The following GRID1 variants were observed in gnomAD, a reference collection of about 807,000 sequenced individuals.
GRID1 encodes glutamate ionotropic receptor delta type subunit 1, also known as glutamate receptor ionotropic, delta-1.
Under a neutral mutation model 98.0 loss-of-function variants are expected in GRID1, and 28 were observed. That is an observed-to-expected ratio of 0.29 (90% CI 0.21 to 0.39). The LOEUF is 0.39. Ranked by LOEUF, GRID1 falls within the 10% of genes least tolerant of loss-of-function variation. GRID1 has a pLI of 1.00. For missense variants in GRID1, 1,111 were observed against 1,340.5 expected (o/e 0.83, Z 2.67); for synonymous variants, 553 against 538.5 (o/e 1.03, Z -0.37).
intron 4 of GRID1, among the ~76,000 whole-genome samples, chr10:86,086,596 T>C (rs1844060741): frequency 6.6e-6 from 1 of 152,026 alleles, no homozygotes. Context: ...AATGAAACAA[T>C]TGAGTGTGCC....
At chr10:86,101,969 G>A (rs1029745868) in intron 4 of GRID1, among the ~76,000 whole-genome samples, 9 of 152,176 alleles carry the variant, frequency 5.9e-5, no homozygotes, top group Non-Finnish European at 1.2e-4. Context: ...ATGGTTTCCA[G>A]TTTGCGGTTA....
At chr10:85,991,492 A>G (rs904297283) in intron 4 of GRID1, among the ~76,000 whole-genome samples, 2 of 151,780 alleles carry the variant, frequency 1.3e-5, no homozygotes, top group Non-Finnish European at 2.9e-5. Context: ...GAAAGGAGGG[A>G]AGAGACAGAG....
At chr10:85,946,404 T>C (rs1324550673) in intron 4 of GRID1, among the ~76,000 whole-genome samples, 2 of 152,230 alleles carry the variant, frequency 1.3e-5, no homozygotes, top group South Asian at 2.1e-4. Flanking sequence ...TCGTGTTAAA[T>C]ATTAGGAAGC....
intron 8 of GRID1, among the ~76,000 whole-genome samples, chr10:85,818,371 G>A (rs997234517): frequency 6.7e-6 from 1 of 149,886 alleles, no homozygotes; most frequent in Admixed American, 6.7e-5. Flanking sequence ...GACAGAAATA[G>A]AGATGTGTGT....
chr10:86,131,388 G>T (rs1844835142), intron 4 of GRID1, among the ~76,000 whole-genome samples: 1 of 152,122 alleles, frequency 6.6e-6, no homozygotes, highest in South Asian at 2.1e-4. Flanking sequence ...TCTCATGTCT[G>T]CTGCCTCCTT....
intron 8 of GRID1, among the ~76,000 whole-genome samples, chr10:85,827,534 G>C (rs182940857): frequency 1.5e-3 from 229 of 152,292 alleles, no homozygotes; most frequent in Non-Finnish European, 2.7e-3. Context: ...CTATGACTTG[G>C]AGTCACTGAA....
intron 2 of GRID1, among the ~76,000 whole-genome samples, chr10:86,242,816 A>G (rs1846659690): frequency 6.6e-6 from 1 of 152,212 alleles, no homozygotes; most frequent in Non-Finnish European, 1.5e-5. Context: ...TCCAGGCCAC[A>G]GATGAGGAAA....
rs529631655 is a variant in GRID1, at chr10:85,877,272, C to T, written c.781-8092G>A. On this transcript the variant is annotated intron_variant, in intron 5 of 15. Transcript: ENST00000327946. ...AGAGAGCAGTGGTTCTCCCAGCACA[C>T]AGCTGGAGATCTGAGAACGGGCAGA... Among the ~76,000 whole-genome samples the T allele has an allele frequency of 3.9e-4, 60 of 152,354 alleles. 1 individual carries two copies. Among genetic ancestry groups the T allele is most frequent in the South Asian group, 3.9e-3 (19 of 4,830 alleles).
At chr10:86,154,215 G>T (rs1316694826) in intron 3 of GRID1, among the ~76,000 whole-genome samples, 2 of 152,340 alleles carry the variant, frequency 1.3e-5, no homozygotes, top group East Asian at 3.9e-4. Flanking sequence ...AACGCTGGGT[G>T]AGGGGAGTAG....
intron 2 of GRID1, among the ~76,000 whole-genome samples, chr10:86,254,210 A>G (rs1359142741): frequency 6.6e-6 from 1 of 151,582 alleles, no homozygotes; most frequent in Non-Finnish European, 1.5e-5. Context: ...TCACAACCCC[A>G]TGAGACAACC....
intron 4 of GRID1, among the ~76,000 whole-genome samples, chr10:86,033,325 C>T (rs1843212283): frequency 6.6e-6 from 1 of 151,086 alleles, no homozygotes; most frequent in South Asian, 2.1e-4. Context: ...TGAGCACTTG[C>T]TGCCCGGCTT....
At chr10:85,957,895 C>T (rs917462092) in intron 4 of GRID1, among the ~76,000 whole-genome samples, 1 of 152,212 alleles carries the variant, frequency 6.6e-6, no homozygotes, top group South Asian at 2.1e-4. Flanking sequence ...CTCTGCAAAC[C>T]TGGCTGTCAC....
At chr10:85,900,068 C>A (rs1463226747) in intron 5 of GRID1, among the ~76,000 whole-genome samples, 2 of 152,200 alleles carry the variant, frequency 1.3e-5, no homozygotes, top group Non-Finnish European at 2.9e-5. Context: ...TCTCTGTAAA[C>A]CCTCAAACAT....
chr10:85,976,198 T>C (rs1842470562), intron 4 of GRID1, among the ~76,000 whole-genome samples: 1 of 152,244 alleles, frequency 6.6e-6, no homozygotes, highest in African/African-American at 2.4e-5. Flanking sequence ...TTTGTTCTGT[T>C]TTCAAATAAC....
chr10:85,876,305 C>T (rs1421723494), intron 5 of GRID1, among the ~76,000 whole-genome samples: 1 of 151,988 alleles, frequency 6.6e-6, no homozygotes, highest in East Asian at 1.9e-4. Flanking sequence ...CTTCTTCCAG[C>T]TTCTGGTGGC....
rs191015425 is a variant in GRID1 at position 85,880,106 on chromosome 10, G to A, written c.781-10926C>T. Among the ~76,000 whole-genome samples the A allele has an allele frequency of 5.8e-3, 889 of 152,210 alleles. 7 individuals are homozygous for A. The highest frequency in any genetic ancestry group is 0.02 in the African/African-American group (842 of 41,530). On this transcript the variant is annotated intron_variant, in intron 5 of 15. Coordinates refer to ENST00000327946, the MANE Select transcript of GRID1 (RefSeq NM_017551.3). ...GAATCTCTGAATAGACCAATAACAGGCTCTGAAATTGTGGCAATAATCAAT... is the reference window on the plus strand; with the variant it reads ...GAATCTCTGAATAGACCAATAACAGACTCTGAAATTGTGGCAATAATCAAT...
At chr10:85,647,676 G>A in intron 12 of GRID1, 1 of 366,252 alleles carries the variant, frequency 2.7e-6, no homozygotes, top group Admixed American at 3.9e-5. Context: ...ATAAAAGGAT[G>A]AGTAAGACAT....
chr10:86,007,046 T>C (rs1379981843), intron 4 of GRID1, among the ~76,000 whole-genome samples: 1 of 152,164 alleles, frequency 6.6e-6, no homozygotes, highest in African/African-American at 2.4e-5. Context: ...CAGTTTAATA[T>C]TGAGAGGCTT....
chr10:86,199,654 T>G (rs968206591), intron 3 of GRID1, among the ~76,000 whole-genome samples: 2 of 152,110 alleles, frequency 1.3e-5, no homozygotes, highest in African/African-American at 2.4e-5. Flanking sequence ...GCACCCAGCA[T>G]GAAGCAAGGG....
Sources: gnomAD v4.1 joint callset for allele counts (sites outside exome capture counted in the v4.1 genomes callset) on GRCh38, gnomAD v4.1.1 for gene constraint, MANE v1.5 for transcripts, NCBI Gene and HGNC (gene_info 2026-07-23, HGNC 2026-07-21) for gene names.